Variants in CCDC60 observed in about 807,000 individuals in gnomAD.
CCDC60 encodes the protein coiled-coil domain-containing protein 60.
Under a neutral mutation model 63.5 loss-of-function variants are expected in CCDC60, and 54 were observed. The observed-to-expected ratio is 0.85, with a 90% CI of 0.68 to 1.07. The LOEUF (loss-of-function observed/expected upper bound fraction) is 1.07. Among genes scored for constraint, CCDC60 ranks in the 50% least tolerant of loss-of-function variants. The pLI is 0.00. For missense variants in CCDC60, 651 were observed against 684.3 expected, an observed-to-expected ratio of 0.95 and a Z score of 0.54; for synonymous variants, 206 against 238.8, an observed-to-expected ratio of 0.86 and a Z score of 1.27.
intron 1 of CCDC60, among the ~76,000 whole-genome samples, chr12:119,414,696 G>A (rs891184414): frequency 6.6e-6 from 1 of 152,178 alleles, no homozygotes; most frequent in African/African-American, 2.4e-5. Context: ...GGCTACAGGT[G>A]CATGCCACCA....
chr12:119,500,576 A>C (rs1951829433), intron 6 of CCDC60, among the ~76,000 whole-genome samples: 1 of 132,608 alleles, frequency 7.5e-6, no homozygotes, highest in African/African-American at 2.9e-5. Context: ...AATAAAAGCC[A>C]GGCACACTAG....
At chr12:119,341,756 A>G (rs1180365270) in intron 1 of CCDC60, among the ~76,000 whole-genome samples, 1 of 152,234 alleles carries the variant, frequency 6.6e-6, no homozygotes, top group Non-Finnish European at 1.5e-5. Flanking sequence ...GAGGTCCATC[A>G]TTAATGAGGC....
intron 7 of CCDC60, among the ~76,000 whole-genome samples, chr12:119,507,895 C>T (rs1158876599): frequency 6.6e-6 from 1 of 152,032 alleles, no homozygotes; most frequent in African/African-American, 2.4e-5. Context: ...AGGCTGGGTA[C>T]AGTGGCTCAT....
intron 1 of CCDC60, among the ~76,000 whole-genome samples, chr12:119,361,792 T>C (rs1329075606): frequency 6.6e-6 from 1 of 152,144 alleles, no homozygotes; most frequent in Non-Finnish European, 1.5e-5. Flanking sequence ...TGTGCACCAA[T>C]AAGAGAATCA....
intron 1 of CCDC60, among the ~76,000 whole-genome samples, chr12:119,419,846 A>G (rs890371131): frequency 6.6e-5 from 10 of 150,616 alleles, no homozygotes; most frequent in African/African-American, 2.4e-4. Context: ...CCTGTCTTCA[A>G]CAAGGAGAGA....
chr12:119,342,461 C>T (rs908453512), intron 1 of CCDC60, among the ~76,000 whole-genome samples: 18 of 152,188 alleles, frequency 1.2e-4, no homozygotes, highest in African/African-American at 4.3e-4. Flanking sequence ...GACTATTCAG[C>T]AGTGACTTGC....
At chr12:119,335,501 T>G (rs574164193) in intron 1 of CCDC60, among the ~76,000 whole-genome samples, 1 of 151,044 alleles carries the variant, frequency 6.6e-6, no homozygotes, top group African/African-American at 2.4e-5. Context: ...CTAACTGGTG[T>G]GAGATGGTAT....
chr12:119,428,649 C>G, intron 1 of CCDC60, 34 bp from the exon 2 acceptor site: 1 of 1,409,436 alleles, frequency 7.1e-7, no homozygotes, highest in Non-Finnish European at 9.9e-7. Flanking sequence ...TGTATTAACA[C>G]TCCTTTTATT....
At chr12:119,363,005 GGA>G (rs775593185) in intron 1 of CCDC60, among the ~76,000 whole-genome samples, 10 of 152,252 alleles carry the variant, frequency 6.6e-5, no homozygotes, top group Non-Finnish European at 1.3e-4. Context: ...GGCTGGGGCA[GGA>G]GAATCGCTTG....
At position 119,528,737 on chromosome 12, in the gene CCDC60, C is replaced by A; in HGVS notation, c.1352C>A (p.Ala451Glu). ...SVVKGDAEEI[A>E]DHWYFDLLSK... Reference sequence around the variant, plus strand: ...GTAAAAGGAGATGCAGAAGAAATTGCAGACCACTGGTAAATATCCTAAGAA... The same window carrying A: ...GTAAAAGGAGATGCAGAAGAAATTGAAGACCACTGGTAAATATCCTAAGAA... The change falls in exon 12 of 14, where the codon GCA (alanine) becomes GAA (glutamate). Residue 451 changes from alanine to glutamate, a missense_variant. Physicochemically the swap from Ala to Glu is moderately radical, Grantham distance 107. Coordinates refer to ENST00000327554, the MANE Select transcript of CCDC60 (RefSeq NM_178499.5). 1 of 1,613,338 alleles carries A rather than the reference C, an allele frequency of 6.2e-7. No individual in the cohort carries two copies. Among genetic ancestry groups the A allele is most frequent in the East Asian group, 2.2e-5 (1 of 44,856 alleles).
chr12:119,352,066 T>G (rs1430546074), intron 1 of CCDC60, among the ~76,000 whole-genome samples: 1 of 152,102 alleles, frequency 6.6e-6, no homozygotes, highest in Non-Finnish European at 1.5e-5. Context: ...CTCAGGAAAC[T>G]TACAATCATG....
At chr12:119,480,503 G>C (rs1951279674) in intron 4 of CCDC60, among the ~76,000 whole-genome samples, 1 of 152,036 alleles carries the variant, frequency 6.6e-6, no homozygotes, top group Admixed American at 6.6e-5. Context: ...GCAAACAAAA[G>C]AAAATCACTA....
chr12:119,487,231 G>A (rs1434638357), intron 4 of CCDC60, among the ~76,000 whole-genome samples: 1 of 151,806 alleles, frequency 6.6e-6, no homozygotes, highest in Non-Finnish European at 1.5e-5. Context: ...GCCCCTCTCT[G>A]AGCCTCCCAT....
chr12:119,507,597 TATA>T (rs1952075253), intron 7 of CCDC60, among the ~76,000 whole-genome samples: 9 of 20,386 alleles, frequency 4.4e-4, no homozygotes, highest in African/African-American at 1.6e-3. Flanking sequence ...TATACATATA[TATA>T]TATATATATA....
At chr12:119,371,336 A>C (rs547712484) in intron 1 of CCDC60, among the ~76,000 whole-genome samples, 2 of 152,314 alleles carry the variant, frequency 1.3e-5, no homozygotes, top group South Asian at 2.1e-4. Flanking sequence ...GAAGGGCTTA[A>C]AGCCAGAAAA....
chr12:119,383,470 T>C (rs1187690773), intron 1 of CCDC60, among the ~76,000 whole-genome samples: 1 of 152,156 alleles, frequency 6.6e-6, no homozygotes, highest in African/African-American at 2.4e-5. Flanking sequence ...ACTTGGACTT[T>C]AGACACTGAA....
At chr12:119,483,984 A>G (rs912952575) in intron 4 of CCDC60, among the ~76,000 whole-genome samples, 2 of 151,212 alleles carry the variant, frequency 1.3e-5, no homozygotes, top group Non-Finnish European at 2.9e-5. Flanking sequence ...AAGAGCAATC[A>G]TCAGGTTTAG....
chr12:119,521,902 C>T (rs1471461294), intron 9 of CCDC60, among the ~76,000 whole-genome samples: 1 of 152,162 alleles, frequency 6.6e-6, no homozygotes, highest in Non-Finnish European at 1.5e-5. Context: ...TTAATGGGGG[C>T]CTGCTTCTTA....
At position 119,487,452 on chromosome 12, in the gene CCDC60, C is replaced by T. The variant is rs558258198; in HGVS notation, c.450-1307C>T. On this transcript the variant is annotated intron_variant, in intron 4 of 13. Coordinates refer to ENST00000327554, the MANE Select transcript of CCDC60 (RefSeq NM_178499.5). ...AGCTGGGATTACAGGGGCCTGCCAC[C>T]GTGCACAGCTAATTTTTGTATTTTT... Among the ~76,000 whole-genome samples the T allele has an allele frequency of 3.3e-5, 5 of 152,198 alleles. No homozygotes were observed. The East Asian group carries it at 5.8e-4, about 18-fold the overall frequency.
Sources: allele counts gnomAD v4.1 joint callset (sites outside exome capture counted in the v4.1 genomes callset), GRCh38; gene constraint gnomAD v4.1.1; transcripts MANE v1.5; gene names NCBI Gene and HGNC (gene_info 2026-07-23, HGNC 2026-07-21).